The following GNPAT variants were observed in gnomAD, a reference collection of about 807,000 sequenced individuals.
The protein encoded by GNPAT is dihydroxyacetone phosphate acyltransferase.
Under a neutral mutation model 78.4 loss-of-function variants are expected in GNPAT, and 30 were observed. The ratio of observed to expected loss-of-function variants is 0.38; its 90% confidence interval spans 0.29 to 0.52. The LOEUF (loss-of-function observed/expected upper bound fraction) is 0.52. GNPAT is among the 20% of genes least tolerant of loss of function. The pLI is 0.84. For synonymous variants in GNPAT, 271 were observed against 281.1 expected, an observed-to-expected ratio of 0.96 and a Z score of 0.36; for missense variants, 714 against 812.2, an observed-to-expected ratio of 0.88 and a Z score of 1.47.
chr1:231,276,688 G>A (rs1174357365), intron 15 of GNPAT, among the ~76,000 whole-genome samples: 2 of 152,194 alleles, frequency 1.3e-5, no homozygotes, highest in African/African-American at 4.8e-5. Flanking sequence ...TGAAGAAATA[G>A]TCTAGTCCAA....
intron 11 of GNPAT, among the ~76,000 whole-genome samples, chr1:231,272,974 CA>C (rs1045838696): frequency 1.3e-5 from 2 of 150,718 alleles, no homozygotes; most frequent in East Asian, 1.9e-4. Flanking sequence ...GACTCCATCT[CA>C]AAAAAAAAGA....
intron 2 of GNPAT, among the ~76,000 whole-genome samples, chr1:231,254,887 G>T (rs1391151468): frequency 1.3e-5 from 2 of 151,898 alleles, no homozygotes; most frequent in African/African-American, 4.8e-5. Flanking sequence ...AAGTAGCTGG[G>T]ATTACAGGCA....
At chr1:231,254,070 C>T (rs1034961077) in intron 2 of GNPAT, among the ~76,000 whole-genome samples, 2 of 152,204 alleles carry the variant, frequency 1.3e-5, no homozygotes, top group Non-Finnish European at 2.9e-5. Flanking sequence ...ACCTCGGCCT[C>T]CCAAAGTGCT....
intron 10 of GNPAT, among the ~76,000 whole-genome samples, chr1:231,271,991 T>C (rs1384385158): frequency 6.6e-6 from 1 of 152,120 alleles, no homozygotes; most frequent in East Asian, 1.9e-4. Flanking sequence ...TCCCAGCTAC[T>C]TGGGAGGCTG....
At chr1:231,268,600 C>A (rs1171802055) in intron 9 of GNPAT, among the ~76,000 whole-genome samples, 1 of 136,300 alleles carries the variant, frequency 7.3e-6, no homozygotes, top group African/African-American at 2.7e-5. Context: ...CATAGTGAGA[C>A]CCCATCTCCA....
intron 12 of GNPAT, among the ~76,000 whole-genome samples, chr1:231,274,389 A>G (rs1003153797): frequency 3.3e-5 from 5 of 152,242 alleles, no homozygotes; most frequent in African/African-American, 4.8e-5. Context: ...ATGTCAGTCA[A>G]TATGTAACCT....
chr1:231,264,868 C>T (rs781441370), intron 4 of GNPAT, among the ~76,000 whole-genome samples: 1 of 152,202 alleles, frequency 6.6e-6, no homozygotes, highest in African/African-American at 2.4e-5. Context: ...TCTGCTGTTG[C>T]CCCTGGCTCT....
chr1:231,260,806 C>A, intron 3 of GNPAT, 123 bp downstream of exon 3: 1 of 697,562 alleles, frequency 1.4e-6, no homozygotes, highest in Non-Finnish European at 2.5e-6. Context: ...CTCACTTGGT[C>A]AATCAAAAGC....
rs748666053 is a variant in GNPAT, at chr1:231,258,622, A to ATTTTTTTTT, written c.262-1866_262-1858dup. Among the ~76,000 whole-genome samples, 12 of 73,790 alleles carry ATTTTTTTTT rather than the reference A, an allele frequency of 1.6e-4. 2 individuals are homozygous for ATTTTTTTTT. The highest frequency in any genetic ancestry group is 3.6e-4 in the African/African-American group (6 of 16,880). 48.4% of individuals were successfully genotyped at this position (73,790 alleles called of 152,430 possible). On this transcript the variant is annotated intron_variant, in intron 2 of 15. Transcript: ENST00000366647. ...TTTATGTTATGTGTATTTTAATGCA[A>ATTTTTTTTT]TTTTTTTTTTTTTTTTTTTTTTTTT...
chr1:231,260,529 C>A lies in GNPAT; in HGVS notation c.284C>A (p.Ser95Tyr), dbSNP rs776777183. The A allele has an allele frequency of 1.9e-6, 3 of 1,609,572 alleles. No individual in the cohort carries two copies. The South Asian group carries it at 3.3e-5, about 18-fold the overall frequency. ...TAGCTTTCCAAGGAATCCCTTCAAT[C>A]TGTGGATGTCCTCCGAGAGGAAGTG... ...IKQLSKESLQSVDVLREEVSE... is the reference protein window; with the variant it reads ...IKQLSKESLQYVDVLREEVSE... The change falls in exon 3 of 16, where the codon TCT becomes TAT. Residue 95 changes from serine to tyrosine, a missense_variant. Coordinates refer to ENST00000366647, the MANE Select transcript of GNPAT (RefSeq NM_014236.4).
chr1:231,266,914 T>C (rs1164570908), intron 8 of GNPAT, among the ~76,000 whole-genome samples: 1 of 152,226 alleles, frequency 6.6e-6, no homozygotes, highest in Admixed American at 6.5e-5. Flanking sequence ...AGGAGAAATA[T>C]ACCTGGACAA....
intron 2 of GNPAT, among the ~76,000 whole-genome samples, chr1:231,253,837 A>G (rs1684966630): frequency 6.6e-6 from 1 of 152,222 alleles, no homozygotes; most frequent in African/African-American, 2.4e-5. Flanking sequence ...CATTCAATCA[A>G]TATTTGTTGA....
intron 6 of GNPAT, 84 bp downstream of exon 6, chr1:231,265,871 T>C: frequency 1.9e-6 from 2 of 1,071,660 alleles, no homozygotes; most frequent in Non-Finnish European, 2.9e-6. Context: ...TTTAACAAGA[T>C]ATTCTTTTCA....
chr1:231,259,573 G>C (rs928277731), intron 2 of GNPAT, among the ~76,000 whole-genome samples: 2 of 151,470 alleles, frequency 1.3e-5, no homozygotes, highest in Non-Finnish European at 2.9e-5. Flanking sequence ...CTTGAACCCG[G>C]GAAGCAGAGG....
intron 2 of GNPAT, among the ~76,000 whole-genome samples, 155 bp downstream of exon 2, chr1:231,251,298 T>G (rs556226798): frequency 6.6e-6 from 1 of 152,326 alleles, no homozygotes; most frequent in South Asian, 2.1e-4. Context: ...TGTTAGCCTC[T>G]TGCTAGACAC....
chr1:231,247,412 T>G lies in GNPAT; in HGVS notation c.79-3549T>G, dbSNP rs147354684. 2.3e-3 allele frequency among the ~76,000 whole-genome samples: 345 copies of G among 152,312 alleles called. 3 individuals are homozygous for G. Among genetic ancestry groups the G allele is most frequent in the African/African-American group, 8.1e-3 (336 of 41,570 alleles). On this transcript the variant is annotated intron_variant, in intron 1 of 15. Coordinates refer to ENST00000366647, the MANE Select transcript of GNPAT (RefSeq NM_014236.4). ...GTAAGGGAGGCACCAAATACGAGTT[T>G]AATGAAGTGTTTTAGAGACCATCTT...
Position 231,267,899 on chromosome 1 carries a change from G to T in GNPAT, c.1275G>T (p.Trp425Cys). The change falls in exon 9 of 16, where the codon TGG becomes TGT. Residue 425 changes from tryptophan to cysteine, a missense_variant. Trp to Cys is a radical substitution (Grantham distance 215). Coordinates refer to ENST00000366647, the MANE Select transcript of GNPAT (RefSeq NM_014236.4). Reference protein sequence around the residue: ...LTQAFGGFLIWPDNKPAEEVV... With the variant: ...LTQAFGGFLICPDNKPAEEVV... ...AGGCATTTGGAGGGTTTCTCATTTG[G>T]CCTGGTATGTAGGTAGGACATATGT... The T allele has an allele frequency of 6.3e-7, 1 of 1,581,844 alleles. No individual in the cohort carries two copies. Among genetic ancestry groups the T allele is most frequent in the Non-Finnish European group, 8.7e-7 (1 of 1,150,514 alleles).
intron 11 of GNPAT, among the ~76,000 whole-genome samples, chr1:231,273,181 T>G (rs1277074825): frequency 6.6e-6 from 1 of 151,730 alleles, no homozygotes; most frequent in Non-Finnish European, 1.5e-5. Flanking sequence ...AGAGGCATGT[T>G]AGGTGTTTGT....
At position 231,241,319 on chromosome 1, in the gene GNPAT, A is replaced by G. The variant is rs1684593726; in HGVS notation, c.-60A>G. On this transcript the variant is annotated 5_prime_UTR_variant, in exon 1 of 16. Coordinates refer to ENST00000366647, the MANE Select transcript of GNPAT (RefSeq NM_014236.4). ...CCTGAGCGAAAGAACCGCCCCCAGC[A>G]GGAGCACCACCACGGCTTAGCAAAG... 2 of 1,469,062 alleles carry G rather than the reference A, an allele frequency of 1.4e-6. No homozygotes were observed. Among genetic ancestry groups the G allele is most frequent in the African/African-American group, 1.4e-5 (1 of 72,020 alleles). 91.0% of individuals were successfully genotyped at this position (1,469,062 alleles called of 1,614,324 possible). A position where few individuals can be genotyped will look rare whatever the true frequency, so the allele number is the denominator to read the frequency against.
Sources: gnomAD v4.1 joint callset for allele counts (sites outside exome capture counted in the v4.1 genomes callset) on GRCh38, gnomAD v4.1.1 for gene constraint, MANE v1.5 for transcripts, NCBI Gene and HGNC (gene_info 2026-07-23, HGNC 2026-07-21) for gene names.